Variants in ASTN2 observed in about 807,000 individuals in gnomAD.
ASTN2 encodes the protein astrotactin 2, also known as astrotactin-2.
Under a neutral mutation model 139.8 loss-of-function variants are expected in ASTN2, and 54 were observed. The observed-to-expected ratio is 0.39, with a 90% CI of 0.31 to 0.48. The LOEUF (loss-of-function observed/expected upper bound fraction) is 0.48. ASTN2 is among the 20% of genes least tolerant of loss of function. The pLI, the probability that ASTN2 is intolerant of heterozygous loss-of-function variation, is 0.95. For synonymous variants in ASTN2, 756 were observed against 719.5 expected (o/e 1.05, Z -0.81); for missense variants, 1,565 against 1,725.1 (o/e 0.91, Z 1.64).
intron 7 of ASTN2, among the ~76,000 whole-genome samples, chr9:116,999,287 A>C (rs1837115191): frequency 1.3e-5 from 2 of 152,194 alleles, no homozygotes; most frequent in South Asian, 2.1e-4. Context: ...CCACTAATTT[A>C]CGGTGTGACA....
chr9:117,044,065 A>G (rs1838662822), intron 5 of ASTN2, among the ~76,000 whole-genome samples: 1 of 152,170 alleles, frequency 6.6e-6, no homozygotes, highest in East Asian at 1.9e-4. Context: ...ATGGGTCAAT[A>G]TGTGTCTAAT....
chr9:116,687,252 G>T, intron 16 of ASTN2: 2 of 994,404 alleles, frequency 2.0e-6, no homozygotes, highest in South Asian at 4.5e-5. Flanking sequence ...TGCTGGGGAG[G>T]CGGGGCTCAG....
chr9:117,229,702 G>T lies in ASTN2; in HGVS notation c.631-14960C>A, dbSNP rs11793423. 7.9e-5 allele frequency among the ~76,000 whole-genome samples: 12 copies of T among 152,128 alleles called. No homozygotes were observed. In the Middle Eastern group the frequency reaches 0.01, roughly 129 times the overall value. ...CACACAGCCGTCTCCAACCCATATC[G>T]GTGAGGGGTCTGGGCTCACTCAAGA... is the stretch of plus-strand genomic sequence containing the variant. On this transcript the variant is annotated intron_variant, in intron 2 of 22. Transcript: ENST00000313400.
chr9:116,586,366 C>T (rs1854142684), intron 19 of ASTN2: 1 of 152,140 alleles, frequency 6.6e-6, no homozygotes, highest in South Asian at 2.1e-4. Context: ...GCACTATTCA[C>T]AATAACAAAG....
At chr9:117,054,144 A>G (rs1838991952) in intron 5 of ASTN2, among the ~76,000 whole-genome samples, 1 of 152,196 alleles carries the variant, frequency 6.6e-6, no homozygotes. Flanking sequence ...TAAACCTTTC[A>G]AGCCTGCTGG....
intron 16 of ASTN2, among the ~76,000 whole-genome samples, chr9:116,706,870 C>T (rs1828001449): frequency 6.8e-6 from 1 of 146,208 alleles, no homozygotes; most frequent in Non-Finnish European, 1.5e-5. Flanking sequence ...TATAGATGTG[C>T]TCAGCTAAGT....
intron 19 of ASTN2, among the ~76,000 whole-genome samples, chr9:116,510,831 G>A (rs1461409499): frequency 6.6e-6 from 1 of 152,118 alleles, no homozygotes; most frequent in Non-Finnish European, 1.5e-5. Flanking sequence ...AAGAATGCTT[G>A]TGATTTTTGC....
At chr9:116,601,773 T>G (rs547419776) in intron 19 of ASTN2, among the ~76,000 whole-genome samples, 3 of 152,182 alleles carry the variant, frequency 2.0e-5, no homozygotes, top group Non-Finnish European at 4.4e-5. Context: ...TGAGTTTGAA[T>G]TGCTTGTGAG....
chr9:117,138,629 T>C (rs1830005996), intron 4 of ASTN2, among the ~76,000 whole-genome samples: 1 of 152,182 alleles, frequency 6.6e-6, no homozygotes, highest in Non-Finnish European at 1.5e-5. Flanking sequence ...TTGGTAGTTT[T>C]GAGGAGACTG....
chr9:117,073,051 TA>T (rs1319821954), intron 5 of ASTN2, among the ~76,000 whole-genome samples: 1 of 152,024 alleles, frequency 6.6e-6, no homozygotes, highest in African/African-American at 2.4e-5. Flanking sequence ...AGAGAATCTG[TA>T]AAAAACAGAG....
intron 10 of ASTN2, among the ~76,000 whole-genome samples, chr9:116,891,252 A>G (rs1294012818): frequency 6.6e-6 from 1 of 152,194 alleles, no homozygotes; most frequent in Non-Finnish European, 1.5e-5. Flanking sequence ...AATCGGGCAT[A>G]TGTGGTGGAG....
At chr9:117,351,350 A>G (rs2130880694) in intron 1 of ASTN2, among the ~76,000 whole-genome samples, 1 of 152,268 alleles carries the variant, frequency 6.6e-6, no homozygotes, top group South Asian at 2.1e-4. Flanking sequence ...TTCCTTTCTT[A>G]TTGCATTTTA....
chr9:117,341,092 T>G (rs1333388196), intron 1 of ASTN2, among the ~76,000 whole-genome samples: 2 of 152,210 alleles, frequency 1.3e-5, no homozygotes, highest in Non-Finnish European at 2.9e-5. Flanking sequence ...CTCTTACAAC[T>G]ATTGTAGTTC....
At chr9:116,693,510 G>A (rs1005050865) in intron 16 of ASTN2, among the ~76,000 whole-genome samples, 7 of 152,152 alleles carry the variant, frequency 4.6e-5, no homozygotes, top group Non-Finnish European at 1.0e-4. Context: ...GATTCTCATC[G>A]GGAGCTGAAG....
At position 117,120,803 on chromosome 9, in the gene ASTN2, G is replaced by A. The variant is rs113759566; in HGVS notation, c.1168+20523C>T. Among the ~76,000 whole-genome samples, 311 of 152,332 alleles carry A rather than the reference G, an allele frequency of 2.0e-3. 1 individual carries two copies. The highest frequency in any genetic ancestry group is 6.4e-3 in the African/African-American group (267 of 41,580). ...AAGTCTCATCCTGTAGGTAATGGAAGCAATCAGTGCTATACTTACAGACTT... is the reference window on the plus strand; with the variant it reads ...AAGTCTCATCCTGTAGGTAATGGAAACAATCAGTGCTATACTTACAGACTT... On this transcript the variant is annotated intron_variant, in intron 4 of 22. Transcript: ENST00000313400.
chr9:116,641,017 T>C (rs1347086291), intron 17 of ASTN2, among the ~76,000 whole-genome samples: 1 of 152,166 alleles, frequency 6.6e-6, no homozygotes, highest in Non-Finnish European at 1.5e-5. Flanking sequence ...GACTCCTTGG[T>C]TTCAGGATTT....
intron 13 of ASTN2, among the ~76,000 whole-genome samples, chr9:116,737,112 G>A (rs1380555628): frequency 6.6e-6 from 1 of 152,236 alleles, no homozygotes; most frequent in East Asian, 1.9e-4. Context: ...TGGGAAGAAG[G>A]GTGGCAGGTA....
intron 3 of ASTN2, among the ~76,000 whole-genome samples, chr9:117,197,675 A>G (rs1462515018): frequency 3.3e-5 from 5 of 152,244 alleles, no homozygotes; most frequent in Non-Finnish European, 7.3e-5. Context: ...CCAGAAGAAT[A>G]TAAATTAAAT....
chr9:117,274,359 T>A lies in ASTN2; in HGVS notation c.630+16967A>T, dbSNP rs111938823. Reference sequence around the variant, plus strand: ...AGCGAGACTCCGTCTCAAAAAAAAATAGTCTGGGTTGGAACAGGCCAGAAA... The same window carrying A: ...AGCGAGACTCCGTCTCAAAAAAAAAAAGTCTGGGTTGGAACAGGCCAGAAA... On this transcript the variant is annotated intron_variant, in intron 2 of 22. Transcript: ENST00000313400. Among the ~76,000 whole-genome samples the A allele has an allele frequency of 4.5e-3, 681 of 151,370 alleles. 7 individuals are homozygous for A. The highest frequency in any genetic ancestry group is 0.016 in the African/African-American group (653 of 41,312).
Sources: gnomAD v4.1 joint callset for allele counts (sites outside exome capture counted in the v4.1 genomes callset) on GRCh38, gnomAD v4.1.1 for gene constraint, MANE v1.5 for transcripts, NCBI Gene and HGNC (gene_info 2026-07-23, HGNC 2026-07-21) for gene names.